Variants in NALF1 observed in about 807,000 individuals in gnomAD.
The protein encoded by NALF1 is NALCN channel auxiliary factor 1, also known as family with sequence similarity 155 member A.
Under a neutral mutation model 48.4 loss-of-function variants are expected in NALF1, and 3 were observed. The observed-to-expected ratio is 0.06, with a 90% confidence interval of 0.03 to 0.16. NALF1 has a LOEUF of 0.16. Ranked by LOEUF, NALF1 falls within the 10% of genes least tolerant of loss-of-function variation. NALF1 has a pLI of 1.00. For missense variants in NALF1, 526 were observed against 571.5 expected (o/e 0.92, Z 0.81); for synonymous variants, 262 against 245.7 (o/e 1.07, Z -0.62).
At position 107,558,610 on chromosome 13, in the gene NALF1, C is replaced by T. The variant is rs1017949329; in HGVS notation, c.915+307072G>A. The stretch of plus-strand genomic sequence containing the variant: ...TGGCTTGAACTGGAATTTGGTTTGA[C>T]GAGGTAGAGGTGGTGGAAGACATCC... On this transcript the variant is annotated intron_variant, in intron 1 of 2. Coordinates refer to ENST00000375915, the MANE Select transcript of NALF1 (RefSeq NM_001080396.3). Among the ~76,000 whole-genome samples, 10 of 152,194 alleles carry T rather than the reference C, an allele frequency of 6.6e-5. No individual in the cohort carries two copies. In the East Asian group the frequency reaches 1.5e-3, roughly 24 times the overall value.
chr13:107,489,352 G>A (rs539582485), intron 1 of NALF1, among the ~76,000 whole-genome samples: 1 of 152,118 alleles, frequency 6.6e-6, no homozygotes, highest in African/African-American at 2.4e-5. Flanking sequence ...AAAGCTGGAG[G>A]TATCAAGTTA....
intron 1 of NALF1, among the ~76,000 whole-genome samples, chr13:107,666,134 T>C (rs533802430): frequency 3.3e-5 from 5 of 152,266 alleles, no homozygotes; most frequent in South Asian, 4.1e-4. Flanking sequence ...AGAAGGACTC[T>C]GTGGTGAAGT....
chr13:107,829,472 G>C (rs541296175), intron 1 of NALF1, among the ~76,000 whole-genome samples: 1 of 151,938 alleles, frequency 6.6e-6, no homozygotes, highest in South Asian at 2.1e-4. Context: ...ATAACTTTTG[G>C]ATCTCATGAT....
At chr13:107,305,635 C>T (rs1054062923) in intron 1 of NALF1, among the ~76,000 whole-genome samples, 5 of 152,144 alleles carry the variant, frequency 3.3e-5, no homozygotes, top group African/African-American at 1.2e-4. Context: ...GCCAAACTAA[C>T]CCACATGGTC....
At chr13:107,788,691 A>G (rs1324464275) in intron 1 of NALF1, 3 of 152,182 alleles carry the variant, frequency 2.0e-5, no homozygotes, top group Non-Finnish European at 2.9e-5. Flanking sequence ...CAAGCTCCAG[A>G]ATGCAGGGGC....
intron 1 of NALF1, among the ~76,000 whole-genome samples, chr13:107,820,509 C>T (rs1019293747): frequency 2.6e-5 from 4 of 152,200 alleles, no homozygotes; most frequent in African/African-American, 7.2e-5. Flanking sequence ...CCTAATCTAC[C>T]TTGTCAAGGT....
chr13:107,611,856 G>C (rs945367494), intron 1 of NALF1, among the ~76,000 whole-genome samples: 1 of 151,080 alleles, frequency 6.6e-6, no homozygotes, highest in Non-Finnish European at 1.5e-5. Context: ...CCAGGAGTTC[G>C]GGGTTACAGT....
chr13:107,499,819 G>C (rs1875459470), intron 1 of NALF1, among the ~76,000 whole-genome samples: 1 of 151,436 alleles, frequency 6.6e-6, no homozygotes, highest in African/African-American at 2.4e-5. Flanking sequence ...TCAGATTATA[G>C]GTGACTTTGA....
chr13:107,786,195 T>A (rs2138582883), intron 1 of NALF1, among the ~76,000 whole-genome samples: 1 of 151,988 alleles, frequency 6.6e-6, no homozygotes, highest in South Asian at 2.1e-4. Context: ...GGCGGGCAGA[T>A]CATCTGAGGT....
chr13:107,184,934 G>T (rs962191980), intron 2 of NALF1, among the ~76,000 whole-genome samples: 1 of 152,138 alleles, frequency 6.6e-6, no homozygotes, highest in Non-Finnish European at 1.5e-5. Flanking sequence ...TCTTTACAGA[G>T]ATAACCAAGT....
chr13:107,282,141 A>C (rs1249353204), intron 1 of NALF1, among the ~76,000 whole-genome samples: 1 of 152,182 alleles, frequency 6.6e-6, no homozygotes, highest in African/African-American at 2.4e-5. Context: ...TTGTAAACTT[A>C]TGTGGTATAA....
chr13:107,757,403 T>G (rs1877132784), intron 1 of NALF1, among the ~76,000 whole-genome samples: 1 of 145,812 alleles, frequency 6.9e-6, no homozygotes, highest in East Asian at 2.0e-4. Context: ...TTAACAACAC[T>G]GGCCCTCATT....
At chr13:107,183,898 C>T (rs1028513355) in intron 2 of NALF1, among the ~76,000 whole-genome samples, 4 of 151,982 alleles carry the variant, frequency 2.6e-5, no homozygotes, top group Admixed American at 6.6e-5. Context: ...ATGTAGATGA[C>T]GTTTTTCCAA....
chr13:107,695,382 A>T (rs1348077957), intron 1 of NALF1, among the ~76,000 whole-genome samples: 1 of 152,180 alleles, frequency 6.6e-6, no homozygotes, highest in Non-Finnish European at 1.5e-5. Context: ...AAACAAACAA[A>T]CATAAGTCGA....
intron 2 of NALF1, among the ~76,000 whole-genome samples, chr13:107,173,396 C>T (rs767917228): frequency 1.8e-4 from 28 of 152,306 alleles, no homozygotes; most frequent in Non-Finnish European, 3.8e-4. Flanking sequence ...GTAGTAAAGT[C>T]CAATTTTCTA....
At chr13:107,456,167 A>G (rs1884821805) in intron 1 of NALF1, among the ~76,000 whole-genome samples, 1 of 152,184 alleles carries the variant, frequency 6.6e-6, no homozygotes, top group African/African-American at 2.4e-5. Flanking sequence ...GAAGGCAGAA[A>G]GCAACCTGAG....
intron 1 of NALF1, among the ~76,000 whole-genome samples, chr13:107,680,618 G>T (rs1214101820): frequency 9.3e-6 from 1 of 107,802 alleles, no homozygotes; most frequent in Non-Finnish European, 2.2e-5. Flanking sequence ...ACGAGTGAGG[G>T]TGTATGTTTG....
intron 1 of NALF1, among the ~76,000 whole-genome samples, chr13:107,816,782 T>C (rs775244159): frequency 3.9e-5 from 6 of 152,180 alleles, no homozygotes; most frequent in Non-Finnish European, 7.3e-5. Context: ...AACAGAATTA[T>C]GTTGAATTTT....
intron 1 of NALF1, among the ~76,000 whole-genome samples, chr13:107,757,145 A>C (rs186300899): frequency 5.1e-4 from 78 of 152,336 alleles, no homozygotes; most frequent in African/African-American, 1.7e-3. Flanking sequence ...GGAACAAGGC[A>C]GTGATTGAGG....
Sources: allele counts gnomAD v4.1 joint callset (sites outside exome capture counted in the v4.1 genomes callset), GRCh38; gene constraint gnomAD v4.1.1; transcripts MANE v1.5; gene names NCBI Gene and HGNC (gene_info 2026-07-23, HGNC 2026-07-21).